MAN2B1: variants seen among roughly 807,000 people sequenced by gnomAD.
The protein encoded by MAN2B1 is mannosidase alpha class 2B member 1, also known as lysosomal alpha-mannosidase.
MAN2B1 carries 99 observed loss-of-function variants against 127.5 expected under a neutral mutation model. The ratio of observed to expected loss-of-function variants is 0.78; its 90% CI spans 0.66 to 0.92. The LOEUF is 0.92. MAN2B1 is among the 40% of genes least tolerant of loss of function. The pLI, the probability that MAN2B1 is intolerant of heterozygous loss-of-function variation, is 0.00. For synonymous variants in MAN2B1, 573 were observed against 568.8 expected (o/e 1.01, Z -0.11); for missense variants, 1,304 against 1,384.8 (o/e 0.94, Z 0.93).
At position 12,647,461 on chromosome 19, in the gene MAN2B1, G is replaced by C. The variant is rs772974771; in HGVS notation, c.2802C>G (p.Pro934=). 3 of 1,614,090 alleles carry C rather than the reference G, an allele frequency of 1.9e-6. No homozygotes were observed. The highest frequency in any genetic ancestry group is 2.5e-6 in the Non-Finnish European group (3 of 1,180,048). The change falls in exon 22 of 24, where the codon CCC becomes CCG. Residue 934 remains proline (P), a synonymous_variant. Transcript: ENST00000456935. This position sits in a 1 kb window ranked among gnomAD's most constrained non-coding sequence, Gnocchi z 4.9. ...GEDSGRNLSA[P]VTLNLRDLFS... Reference sequence around the variant, plus strand: ...TTCTCACCCTCAAGTTCAAGGTAACGGGGGCGCTCAGGTTACGTCCGGAAT... The same window carrying C: ...TTCTCACCCTCAAGTTCAAGGTAACCGGGGCGCTCAGGTTACGTCCGGAAT...
chr19:12,649,538 G>T (rs1400110113), intron 18 of MAN2B1, 110 bp from the exon 19 acceptor site: 7 of 684,368 alleles, frequency 1.0e-5, no homozygotes, highest in Non-Finnish European at 1.5e-5. Flanking sequence ...CTGGAGTGCA[G>T]TGGCGCGATC....
At chr19:12,661,836 AAATT>A (rs1318859977) in intron 6 of MAN2B1, among the ~76,000 whole-genome samples, 2,496 of 151,538 alleles carry the variant, frequency 0.016, 72 homozygotes, top group African/African-American at 0.056. Context: ...AAAAAAAAAA[AAATT>A]AATCTAAAAC....
intron 1 of MAN2B1, 66 bp from the exon 2 acceptor site, chr19:12,665,871 G>C: frequency 7.8e-7 from 1 of 1,283,558 alleles, no homozygotes; most frequent in Non-Finnish European, 1.1e-6. Flanking sequence ...TGCAGAGTAA[G>C]TCTTGATCTA....
intron 18 of MAN2B1, 41 bp downstream of exon 18, chr19:12,649,872 C>A: frequency 2.0e-6 from 3 of 1,525,260 alleles, no homozygotes; most frequent in African/African-American, 1.4e-5. Flanking sequence ...GGCCCCAACA[C>A]ACCACAGACC....
chr19:12,646,859 C>A (rs2023700448), intron 23 of MAN2B1, 127 bp from the exon 24 acceptor site: 1 of 711,078 alleles, frequency 1.4e-6, no homozygotes. Context: ...GGCCTCAATC[C>A]CAGACTCTTA....
intron 16 of MAN2B1, among the ~76,000 whole-genome samples, chr19:12,651,600 G>A (rs2023841866): frequency 6.6e-6 from 1 of 152,146 alleles, no homozygotes; most frequent in Non-Finnish European, 1.5e-5. Flanking sequence ...ATCTCAAAGG[G>A]ACTCACATGA....
In MAN2B1 at chr19:12,665,766, G is replaced by A. The variant is rs1342953909; in HGVS notation, c.199C>T (p.Leu67=). The part of the protein sequence containing the change: ...TVQPNMLNVH[L]LPHTHDDVGW... ...ACGTCATCATGTGTGTGAGGCAGCA[G>A]GTGCACGTTCAGCATGTTCGGCTGC... Residue 67 remains leucine, a synonymous_variant, in exon 2 of 24, where the codon CTG becomes TTG. Transcript: ENST00000456935. 2 of 1,614,144 alleles carry A rather than the reference G, an allele frequency of 1.2e-6. No homozygotes were observed. The highest frequency in any genetic ancestry group is 1.7e-6 in the Non-Finnish European group (2 of 1,180,024).
At chr19:12,656,544 G>A (rs752842630) in intron 13 of MAN2B1, 27 bp downstream of exon 13, 11 of 1,533,986 alleles carry the variant, frequency 7.2e-6, no homozygotes, top group South Asian at 3.4e-5. Flanking sequence ...GAGTCCCAGC[G>A]GGGGAATATT....
rs2023742861 is a variant in MAN2B1 at position 12,648,220 on chromosome 19, CG to C, written c.2618del (p.Pro873ArgfsTer51). On this transcript the variant is annotated frameshift_variant, in exon 21 of 24. Transcript: ENST00000456935. LOFTEE classifies it high-confidence loss of function. ...CGAGATTGTAGGCGGCGCCGCCACCCGGGGCCAGCACCACCTGAGGGGCCAG... is the reference window on the plus strand; with the variant it reads ...CGAGATTGTAGGCGGCGCCGCCACCCGGGCCAGCACCACCTGAGGGGCCAG... Reference protein sequence around the residue: ...EVLAPQVVLAPGGGAAYNLGA... With the variant: ...EVLAPQVVLAXGGGAAYNLGA... 1.3e-6 allele frequency: 2 copies of C among 1,575,400 alleles called. No individual in the cohort carries two copies. Among genetic ancestry groups the C allele is most frequent in the Non-Finnish European group, 1.7e-6 (2 of 1,166,906 alleles).
rs969210523 is a variant in MAN2B1, at chr19:12,665,293, G to T, written c.436+59C>A. On this transcript the variant is annotated intron_variant, in intron 3 of 23. Transcript: ENST00000456935. ...GGCATGACAAATCTCAGAAACCAGAGATGCAGAAGCAGAAGCTGGGCTGGG... is the reference window on the plus strand; with the variant it reads ...GGCATGACAAATCTCAGAAACCAGATATGCAGAAGCAGAAGCTGGGCTGGG... 6.9e-6 allele frequency: 11 copies of T among 1,583,886 alleles called. No homozygotes were observed. The African/African-American group carries it at 1.5e-4, about 21-fold the overall frequency.
rs1210871670 is a variant in MAN2B1 at position 12,648,270 on chromosome 19, G to C, written c.2569C>G (p.Arg857Gly). ...AGGACCTCCTGCTCCGCCAGGAGCCGGTGTCCGGCGGCTGCAGCCTGGGCT... is the reference window on the plus strand; with the variant it reads ...AGGACCTCCTGCTCCGCCAGGAGCCCGTGTCCGGCGGCTGCAGCCTGGGCT... ...DTAQAAAAGH[R>G]LLAEQEVLAP... Residue 857 changes from arginine (R) to glycine (G), a missense_variant, in exon 21 of 24, where the codon CGG becomes GGG. Physicochemically the swap from Arg to Gly is moderately radical, Grantham distance 125. Transcript: ENST00000456935. The C allele has an allele frequency of 1.2e-6, 2 of 1,608,228 alleles. No individual in the cohort carries two copies. Among genetic ancestry groups the C allele is most frequent in the East Asian group, 2.2e-5 (1 of 44,628 alleles).
rs749067951 is a variant in MAN2B1 at position 12,646,689 on chromosome 19, G to T, written c.2967C>A (p.Asn989Lys). 1.9e-6 allele frequency: 3 copies of T among 1,614,024 alleles called. No individual in the cohort carries two copies. In the African/African-American group the frequency reaches 4.0e-5, roughly 22 times the overall value. The part of the protein sequence containing the change: ...HQTPYQLDPA[N>K]ITLEPMEIRT... The stretch of plus-strand genomic sequence containing the variant: ...GGATTTCCATGGGTTCCAGCGTGAT[G>T]TTGGCCGGGTCCAGCTGGTACGGAG... The change falls in exon 24 of 24, where the codon AAC (asparagine) becomes AAA (lysine). Residue 989 changes from asparagine to lysine, a missense_variant. Asn to Lys is a moderately conservative substitution (Grantham distance 94). Coordinates refer to ENST00000456935, the MANE Select transcript of MAN2B1 (RefSeq NM_000528.4).
intron 14 of MAN2B1, among the ~76,000 whole-genome samples, chr19:12,653,259 G>A (rs1464525795): frequency 6.7e-6 from 1 of 149,568 alleles, no homozygotes; most frequent in Non-Finnish European, 1.5e-5. Flanking sequence ...CAATTCTCCT[G>A]ACTCAGCCTC....
rs781549790 is a variant in MAN2B1, at chr19:12,656,555, CGTT to C, written c.1644+13_1644+15del. The C allele has an allele frequency of 6.3e-7, 1 of 1,589,540 alleles. No homozygotes were observed. Among genetic ancestry groups the C allele is most frequent in the Non-Finnish European group, 8.6e-7 (1 of 1,157,712 alleles). On this transcript the variant is annotated intron_variant, in intron 13 of 23. Coordinates refer to ENST00000456935, the MANE Select transcript of MAN2B1 (RefSeq NM_000528.4). Reference sequence around the variant, plus strand: ...GGAGGAGTCCCAGCGGGGGAATATTCGTTGTTTGGGCTCACATCGCTGGGCACT... The same window carrying C: ...GGAGGAGTCCCAGCGGGGGAATATTCGTTTGGGCTCACATCGCTGGGCACT...
Position 12,656,220 on chromosome 19 carries a change from C to T in MAN2B1, c.1645-341G>A, listed in dbSNP as rs1378893293. ...TGTCCATAAACAGCAATAAATTTTC[C>T]TGGGGAAGCGGGGTATTAAAATGGA... is the stretch of plus-strand genomic sequence containing the variant. On this transcript the variant is annotated intron_variant, in intron 13 of 23. Coordinates refer to ENST00000456935, the MANE Select transcript of MAN2B1 (RefSeq NM_000528.4). The T allele has an allele frequency of 1.6e-5, 7 of 437,244 alleles. 1 individual carries two copies. The highest frequency in any genetic ancestry group is 1.3e-4 in the South Asian group (5 of 37,636). 27.1% of individuals were successfully genotyped at this position (437,244 alleles called of 1,614,324 possible). A position where few individuals can be genotyped will look rare whatever the true frequency, so the allele number is the denominator to read the frequency against.
chr19:12,653,944 C>A (rs1599346480), intron 14 of MAN2B1, among the ~76,000 whole-genome samples: 1 of 152,194 alleles, frequency 6.6e-6, no homozygotes, highest in African/African-American at 2.4e-5. Flanking sequence ...GTCTCAAACT[C>A]CTGACCTCAG....
rs776013861 is a variant in MAN2B1 at position 12,648,412 on chromosome 19, G to A, written c.2437-10C>T. On this transcript the variant is annotated splice_polypyrimidine_tract_variant and intron_variant, in intron 20 of 23. Transcript: ENST00000456935. ...GCAGCCTTCGGTGCACCTGGGGGGA[G>A]AGTGGCCAGGAGGGGGTGAGAGTCG... The A allele has an allele frequency of 9.4e-6, 15 of 1,601,964 alleles. No homozygotes were observed. Among genetic ancestry groups the A allele is most frequent in the Non-Finnish European group, 1.3e-5 (15 of 1,170,786 alleles).
intron 16 of MAN2B1, 142 bp from the exon 17 acceptor site, chr19:12,650,364 T>A: frequency 1.5e-6 from 1 of 667,054 alleles, no homozygotes. Context: ...ATTCTTTTTT[T>A]TTTTTTTTTT....
At chr19:12,665,830 T>A in intron 1 of MAN2B1, 25 bp from the exon 2 acceptor site, 1 of 1,585,186 alleles carries the variant, frequency 6.3e-7, no homozygotes, top group African/African-American at 1.3e-5. Context: ...CAAACACACA[T>A]ACCTTGTCAA....
Sources: gnomAD v4.1 joint callset for allele counts (sites outside exome capture counted in the v4.1 genomes callset) on GRCh38, gnomAD v4.1.1 for gene constraint, Gnocchi (gnomAD v3.1) non-coding constraint, MANE v1.5 for transcripts, NCBI Gene and HGNC (gene_info 2026-07-23, HGNC 2026-07-21) for gene names.